SNRNP35: variants seen among roughly 807,000 people sequenced by gnomAD.
SNRNP35 encodes the protein small nuclear ribonucleoprotein U11/U12 subunit 35.
Under a neutral mutation model 24.3 loss-of-function variants are expected in SNRNP35, and 16 were observed. The ratio of observed to expected loss-of-function variants is 0.66; its 90% CI spans 0.45 to 1.00. The LOEUF (loss-of-function observed/expected upper bound fraction) is 1.00. Among genes scored for constraint, SNRNP35 ranks in the 50% least tolerant of loss-of-function variants. The pLI, the probability that SNRNP35 is intolerant of heterozygous loss-of-function variation, is 0.00. For synonymous variants in SNRNP35, 106 were observed against 124.8 expected (o/e 0.85, Z 1.00); for missense variants, 292 against 327.2 (o/e 0.89, Z 0.83).
chr12:123,466,335 G>A lies in SNRNP35; in HGVS notation c.*54G>A. The A allele has an allele frequency of 6.7e-7, 1 of 1,487,672 alleles. No individual in the cohort carries two copies. Among genetic ancestry groups the A allele is most frequent in the Non-Finnish European group, 9.0e-7 (1 of 1,115,954 alleles). The allele number at this position is 1,487,672 out of a possible 1,614,324, so 92.2% of individuals were successfully genotyped here. On this transcript the variant is annotated 3_prime_UTR_variant, in exon 2 of 2. Coordinates refer to ENST00000526639, the MANE Select transcript of SNRNP35 (RefSeq NM_022717.4). ...GTTACAGTGGAAATGAGTGGAGGGG[G>A]ATTGTCTTTCAACGCAGCGTGAGTC... is the stretch of plus-strand genomic sequence containing the variant.
intron 1 of SNRNP35, among the ~76,000 whole-genome samples, chr12:123,463,447 G>A (rs1482360420): frequency 6.6e-6 from 1 of 151,224 alleles, no homozygotes; most frequent in Non-Finnish European, 1.5e-5. Context: ...ATGCGACCTC[G>A]GCTCACTGCA....
chr12:123,468,947 G>T (rs2139294449), downstream of SNRNP35, among the ~76,000 whole-genome samples: 1 of 152,278 alleles, frequency 6.6e-6, no homozygotes, highest in East Asian at 1.9e-4. Flanking sequence ...GAAGCTACCT[G>T]TCCATCAGTG....
intron 1 of SNRNP35, among the ~76,000 whole-genome samples, chr12:123,463,729 GGGACTTCTTCCA>G (rs970632680): frequency 6.6e-6 from 1 of 151,156 alleles, no homozygotes; most frequent in African/African-American, 2.4e-5. Context: ...CTTAACTTTT[GGGACTTCTTCCA>G]GGAAAGACCT....
exon 2 of SNRNP35, chr12:123,472,682 C>A: frequency 6.3e-7 from 1 of 1,595,118 alleles, no homozygotes; most frequent in Non-Finnish European, 8.5e-7. Flanking sequence ...AGAAGCTAAA[C>A]CTTTGGAAGG....
chr12:123,467,190 AT>A (rs1881018348), downstream of SNRNP35, among the ~76,000 whole-genome samples: 4 of 152,318 alleles, frequency 2.6e-5, no homozygotes, highest in South Asian at 6.2e-4. Flanking sequence ...TTCAAGGAGA[AT>A]GTCCAGAGCC....
chr12:123,473,035 C>T (rs901562949), exon 2 of SNRNP35: 15 of 223,248 alleles, frequency 6.7e-5, no homozygotes, highest in African/African-American at 2.5e-4. Flanking sequence ...ACCCTAATGA[C>T]GCAGAGAAAG....
At chr12:123,463,808 A>G (rs1880776417) in intron 1 of SNRNP35, among the ~76,000 whole-genome samples, 1 of 149,278 alleles carries the variant, frequency 6.7e-6, no homozygotes, top group South Asian at 2.1e-4. Context: ...TTTGTTGCCC[A>G]GGCTGGAGTG....
chr12:123,465,643 A>G lies in SNRNP35; in HGVS notation c.103A>G (p.Met35Val), dbSNP rs1015753941. ...ACACGACCGCGCGGTCTGGAGGGCA[A>G]TGCTGGCACGATATGTCCCCAACAA... ...DPHDRAVWRA[M>V]LARYVPNKGV... Residue 35 changes from methionine to valine, a missense_variant, in exon 2 of 2, where the codon ATG (methionine) becomes GTG (valine). Physicochemically the swap from Met to Val is conservative, Grantham distance 21. Coordinates refer to ENST00000526639, the MANE Select transcript of SNRNP35 (RefSeq NM_022717.4). This position sits in a 1 kb window ranked among gnomAD's most constrained non-coding sequence, Gnocchi z 4.2. 1 of 1,613,800 alleles carries G rather than the reference A, an allele frequency of 6.2e-7. No homozygotes were observed. Among genetic ancestry groups the G allele is most frequent in the Non-Finnish European group, 8.5e-7 (1 of 1,179,858 alleles).
chr12:123,461,038 C>A (rs1880590838), intron 1 of SNRNP35, among the ~76,000 whole-genome samples: 1 of 144,792 alleles, frequency 6.9e-6, no homozygotes, highest in Admixed American at 7.1e-5. Context: ...TAGTCTCGAA[C>A]TCCTGGGCTC....
chr12:123,469,885 AAGG>A (rs961567427), downstream of SNRNP35, among the ~76,000 whole-genome samples: 10 of 152,116 alleles, frequency 6.6e-5, no homozygotes, highest in African/African-American at 2.2e-4. Flanking sequence ...TAAAAAAAAA[AAGG>A]AGGGCCAGGT....
chr12:123,459,445 C>T (rs1880478713), intron 1 of SNRNP35: 1 of 152,070 alleles, frequency 6.6e-6, no homozygotes, highest in Non-Finnish European at 1.5e-5. Context: ...AGCCACCGCG[C>T]CCTGGCCCCC....
chr12:123,460,850 G>T (rs182641654), intron 1 of SNRNP35, among the ~76,000 whole-genome samples: 2 of 151,560 alleles, frequency 1.3e-5, no homozygotes, highest in African/African-American at 4.8e-5. Flanking sequence ...TAGAGACGGG[G>T]TTACTCCATG....
At chr12:123,468,366 A>AC (rs1881049496), downstream of SNRNP35, among the ~76,000 whole-genome samples, 2 of 148,032 alleles carry the variant, frequency 1.4e-5, no homozygotes, top group South Asian at 4.3e-4. Context: ...CTCAAAAAAA[A>AC]AAAAAAAAAG....
Position 123,465,991 on chromosome 12 carries a change from G to C in SNRNP35, c.451G>C (p.Gly151Arg). 1 of 1,614,080 alleles carries C rather than the reference G, an allele frequency of 6.2e-7. No homozygotes were observed. Among genetic ancestry groups the C allele is most frequent in the Non-Finnish European group, 8.5e-7 (1 of 1,180,004 alleles). The change falls in exon 2 of 2, where the codon GGG becomes CGG. Residue 151 changes from glycine to arginine, a missense_variant. By Grantham distance (125) the Gly-to-Arg change is moderately radical (BLOSUM62 -2). Transcript: ENST00000526639. This position sits in a 1 kb window ranked among gnomAD's most constrained non-coding sequence, Gnocchi z 4.2. The part of the protein sequence containing the change: ...GGGLGGKKES[G>R]QLRFGGRDRP... The stretch of plus-strand genomic sequence containing the variant: ...CGGTCTTGGGGGAAAAAAGGAGTCT[G>C]GGCAACTGAGATTTGGGGGACGGGA...
At chr12:123,459,369 C>G (rs1435710937) in intron 1 of SNRNP35, among the ~76,000 whole-genome samples, 1 of 151,518 alleles carries the variant, frequency 6.6e-6, no homozygotes, top group Non-Finnish European at 1.5e-5. Flanking sequence ...TCCTGAAGCT[C>G]AAAATTTACT....
chr12:123,472,734 A>G, exon 2 of SNRNP35: 1 of 1,565,798 alleles, frequency 6.4e-7, no homozygotes, highest in African/African-American at 1.4e-5. Context: ...TTGCTGTGCA[A>G]GTCACGTTTT....
At chr12:123,463,978 G>C (rs967992718) in intron 1 of SNRNP35, among the ~76,000 whole-genome samples, 3 of 145,610 alleles carry the variant, frequency 2.1e-5, no homozygotes, top group Non-Finnish European at 4.5e-5. Flanking sequence ...TTATTGCTCA[G>C]GCTGGAGTGC....
intron 1 of SNRNP35, chr12:123,464,550 G>A (rs956628497): frequency 1.3e-5 from 2 of 152,224 alleles, no homozygotes; most frequent in Admixed American, 6.5e-5. Flanking sequence ...CCTCAGCCAA[G>A]GTTTTTAAGT....
exon 2 of SNRNP35, chr12:123,472,534 A>G (rs533696214): frequency 6.4e-7 from 1 of 1,550,902 alleles, no homozygotes; most frequent in East Asian, 2.4e-5. Context: ...GAGATGGGCC[A>G]AGGTCACAGA....
Sources: gnomAD v4.1 joint callset for allele counts (sites outside exome capture counted in the v4.1 genomes callset) on GRCh38, gnomAD v4.1.1 for gene constraint, Gnocchi (gnomAD v3.1) non-coding constraint, MANE v1.5 for transcripts, NCBI Gene and HGNC (gene_info 2026-07-23, HGNC 2026-07-21) for gene names.